PUS10: variants seen among roughly 807,000 people sequenced by gnomAD.
The protein encoded by PUS10 is tRNA pseudouridine synthase Pus10.
In PUS10, 59 loss-of-function variants were observed where a neutral mutation model predicts 75.0. That is an observed-to-expected ratio of 0.79 (90% CI 0.64 to 0.98). The LOEUF is 0.98. Among genes scored for constraint, PUS10 ranks in the 50% least tolerant of loss-of-function variants. PUS10 has a pLI of 0.00. For missense variants in PUS10, 650 were observed against 614.4 expected (o/e 1.06, Z -0.61); for synonymous variants, 219 against 211.6 (o/e 1.03, Z -0.30).
chr2:60,995,073 G>A (rs1045726789), intron 4 of PUS10, among the ~76,000 whole-genome samples: 2 of 152,162 alleles, frequency 1.3e-5, no homozygotes, highest in African/African-American at 4.8e-5. Flanking sequence ...CTGGGTGACA[G>A]AGTGAAACTC....
intron 4 of PUS10, among the ~76,000 whole-genome samples, chr2:60,974,211 CTTTTTT>C (rs35241132): frequency 2.1e-5 from 2 of 96,068 alleles, no homozygotes; most frequent in East Asian, 5.8e-4. Flanking sequence ...GATAAAGCTC[CTTTTTT>C]TTTTTTTTTT....
chr2:60,941,683 T>C lies in PUS10; in HGVS notation c.*712A>G, dbSNP rs530301318. The C allele has an allele frequency of 6.6e-6, 1 of 152,444 alleles. No individual in the cohort carries two copies. Among genetic ancestry groups the C allele is most frequent in the East Asian group, 1.9e-4 (1 of 5,332 alleles). The allele number at this position is 152,444 out of a possible 1,614,324, so 9.4% of individuals were successfully genotyped here. On this transcript the variant is annotated 3_prime_UTR_variant, in exon 18 of 18. Transcript: ENST00000316752. ...TTAAAGGCACTTGTTTCTCCTTATT[T>C]AAAAGATTTATGAAAGGCTCCTACC...
In PUS10 at chr2:60,948,097, G is replaced by A. The variant is rs1573380670; in HGVS notation, c.1397C>T (p.Thr466Ile). Residue 466 changes from threonine to isoleucine, a missense_variant, in exon 16 of 18, where the codon ACA becomes ATA. Thr to Ile is a moderately conservative substitution (Grantham distance 89). Transcript: ENST00000316752. ...GAAGTGGTGCTCATCCACGTACTGT[G>A]TCTCCATGAAGTGAATGACGCGAGC... ...VRARVIHFME[T>I]QYVDEHHFRL... 2 of 1,614,108 alleles carry A rather than the reference G, an allele frequency of 1.2e-6. No individual in the cohort carries two copies. The highest frequency in any genetic ancestry group is 1.7e-6 in the Non-Finnish European group (2 of 1,180,000).
At chr2:61,003,453 C>T (rs1340598357) in intron 4 of PUS10, among the ~76,000 whole-genome samples, 2 of 148,688 alleles carry the variant, frequency 1.3e-5, no homozygotes, top group African/African-American at 5.0e-5. Flanking sequence ...CAGAACAAGA[C>T]CCTGTCTCAA....
In PUS10 at chr2:60,954,127, A is replaced by G. The variant is rs764132256; in HGVS notation, c.1089T>C (p.Pro363=). The G allele has an allele frequency of 2.5e-6, 4 of 1,614,076 alleles. No homozygotes were observed. The highest frequency in any genetic ancestry group is 3.4e-6 in the Non-Finnish European group (4 of 1,180,028). Residue 363 remains proline (P), a synonymous_variant, in exon 13 of 18, where the codon CCT becomes CCC. Transcript: ENST00000316752. The stretch of plus-strand genomic sequence containing the variant: ...CTTGTGAAGTGAAATGTACTCTATG[A>G]GGATTCACCAGCTCAATTGCAAAGG... ...GRPFAIELVN[P]HRVHFTSQEI... is the part of the protein sequence containing the mutation.
chr2:60,955,705 G>C (rs1406347460), intron 11 of PUS10, among the ~76,000 whole-genome samples: 1 of 152,264 alleles, frequency 6.6e-6, no homozygotes, highest in East Asian at 1.9e-4. Flanking sequence ...AGAAAAGTTA[G>C]GTAATGTTCC....
chr2:60,995,972 G>C lies in PUS10; in HGVS notation c.468+10585C>G, dbSNP rs574645382. On this transcript the variant is annotated intron_variant, in intron 4 of 17. Coordinates refer to ENST00000316752, the MANE Select transcript of PUS10 (RefSeq NM_144709.4). ...TAGCTGGGTTCAGGCCAAGGAAAAG[G>C]CAATGCCATAAAGAGATGCATCTTT... is the stretch of plus-strand genomic sequence containing the variant. Among the ~76,000 whole-genome samples, 212 of 152,290 alleles carry C rather than the reference G, an allele frequency of 1.4e-3. 1 individual carries two copies. Among genetic ancestry groups the C allele is most frequent in the African/African-American group, 4.9e-3 (202 of 41,562 alleles).
chr2:61,017,275 C>G (rs62150970), intron 1 of PUS10: 25,899 of 152,850 alleles, frequency 0.17, 2,426 homozygotes, highest in Non-Finnish European at 0.19. Flanking sequence ...AGGAAACGTG[C>G]GTTTTAGAAC....
At chr2:60,989,263 A>G (rs1448820618) in intron 4 of PUS10, among the ~76,000 whole-genome samples, 2 of 152,188 alleles carry the variant, frequency 1.3e-5, no homozygotes, top group Non-Finnish European at 2.9e-5. Context: ...TGTTTGCAAA[A>G]GAGGCAGATT....
Position 61,017,753 on chromosome 2 carries a change from G to A in PUS10, c.-16+255C>T, listed in dbSNP as rs200847026. 75 of 1,548,836 alleles carry A rather than the reference G, an allele frequency of 4.8e-5. No homozygotes were observed. The East Asian group carries it at 1.5e-3, about 32-fold the overall frequency. ...GTAGGAGCGGGAGCCGAGAGGAGGC[G>A]GAGGAGATGGCGTCCCAGCCGCCAC... On this transcript the variant is annotated intron_variant, in intron 1 of 17. Coordinates refer to ENST00000316752, the MANE Select transcript of PUS10 (RefSeq NM_144709.4).
chr2:60,997,406 C>A (rs1484106565), intron 4 of PUS10, among the ~76,000 whole-genome samples: 1 of 152,016 alleles, frequency 6.6e-6, no homozygotes, highest in Non-Finnish European at 1.5e-5. Context: ...GTCAGGAGAT[C>A]GAGACCATCC....
chr2:60,982,554 T>G (rs571095360), intron 4 of PUS10, among the ~76,000 whole-genome samples: 1 of 151,910 alleles, frequency 6.6e-6, no homozygotes, highest in East Asian at 1.9e-4. Context: ...TGAGCCACCA[T>G]GCCTGGCCAG....
chr2:60,959,088 C>T (rs1558886869), intron 11 of PUS10, among the ~76,000 whole-genome samples: 2 of 152,168 alleles, frequency 1.3e-5, no homozygotes, highest in Non-Finnish European at 2.9e-5. Flanking sequence ...AACCTGGGCT[C>T]GTTAATACCT....
chr2:61,009,173 C>A (rs1679442509), intron 2 of PUS10, among the ~76,000 whole-genome samples, 158 bp from the exon 3 acceptor site: 1 of 152,174 alleles, frequency 6.6e-6, no homozygotes, highest in Admixed American at 6.5e-5. Context: ...TATTAGCCAG[C>A]ATTGGCTTTT....
chr2:60,993,858 C>T (rs1317859696), intron 4 of PUS10, among the ~76,000 whole-genome samples: 1 of 152,018 alleles, frequency 6.6e-6, no homozygotes, highest in African/African-American at 2.4e-5. Context: ...GGCGCGATCT[C>T]GGCTCACTGC....
Position 61,018,074 on chromosome 2 carries a change from G to T in PUS10, c.-82C>A. The T allele has an allele frequency of 6.7e-7, 1 of 1,501,546 alleles. No individual in the cohort carries two copies. The highest frequency in any genetic ancestry group is 1.3e-5 in the South Asian group (1 of 77,626). 93.0% of individuals were successfully genotyped at this position (1,501,546 alleles called of 1,614,324 possible). On this transcript the variant is annotated 5_prime_UTR_variant, in exon 1 of 18. Coordinates refer to ENST00000316752, the MANE Select transcript of PUS10 (RefSeq NM_144709.4). ...AGCTCTAATCAGCAACGTTTTTTTCGGGAGCTCCTGGGCGTCTCTCTGGGT... is the reference window on the plus strand; with the variant it reads ...AGCTCTAATCAGCAACGTTTTTTTCTGGAGCTCCTGGGCGTCTCTCTGGGT...
At chr2:61,006,688 AAT>A in intron 3 of PUS10, 45 bp from the exon 4 acceptor site, 1 of 1,429,540 alleles carries the variant, frequency 7.0e-7, no homozygotes, top group Non-Finnish European at 9.8e-7. Context: ...AATTGCTGAA[AAT>A]ATTACTTACC....
chr2:60,944,188 T>C (rs894263386), intron 17 of PUS10: 1 of 980,934 alleles, frequency 1.0e-6, no homozygotes. Flanking sequence ...TTCCTCCAAA[T>C]GATAGTTTCA....
chr2:61,011,292 A>G (rs569300994), intron 2 of PUS10, among the ~76,000 whole-genome samples: 2 of 152,322 alleles, frequency 1.3e-5, no homozygotes, highest in South Asian at 4.1e-4. Context: ...GTCATTAATA[A>G]CAGTAATAAT....
Sources: gnomAD v4.1 joint callset for allele counts (sites outside exome capture counted in the v4.1 genomes callset) on GRCh38, gnomAD v4.1.1 for gene constraint, MANE v1.5 for transcripts, NCBI Gene and HGNC (gene_info 2026-07-23, HGNC 2026-07-21) for gene names.